MYOZ2: variants seen among roughly 807,000 people sequenced by gnomAD.
The protein encoded by MYOZ2 is myozenin-2.
In MYOZ2, 19 loss-of-function variants were observed where a neutral mutation model predicts 25.4. That is an observed-to-expected ratio of 0.75 (90% CI 0.52 to 1.10). MYOZ2 has a LOEUF of 1.10. Ranked by LOEUF, MYOZ2 falls within the 50% of genes least tolerant of loss-of-function variation. MYOZ2 has a pLI of 0.00. For synonymous variants in MYOZ2, 92 were observed against 106.9 expected, an observed-to-expected ratio of 0.86 and a Z score of 0.86; for missense variants, 270 against 317.9, an observed-to-expected ratio of 0.85 and a Z score of 1.15.
rs780300735 is a variant in MYOZ2, at chr4:119,164,333, T to TA, written c.500dup (p.Tyr167Ter). The TA allele has an allele frequency of 6.2e-7, 1 of 1,614,116 alleles. No individual in the cohort carries two copies. The highest frequency in any genetic ancestry group is 1.7e-5 in the Admixed American group (1 of 60,020). Residue 167 changes from tyrosine (Y) to a stop codon, truncating the protein, a stop_gained and frameshift_variant, in exon 5 of 6, where the codon TAT (tyrosine) becomes TAAT (stop). Coordinates refer to ENST00000307128, the MANE Select transcript of MYOZ2 (RefSeq NM_016599.5). LOFTEE classifies it high-confidence loss of function. ...TGATCCGGAGCTTTTAGAGGCTTTA[T>TA]ATCCTAAACTTTTCAAGCCTGAAGG... ...SNDPELLEALYPKLFKPEGKA... is the reference protein window; with the variant it reads ...SNDPELLEAL
At chr4:119,157,704 G>A (rs999645714) in intron 3 of MYOZ2, among the ~76,000 whole-genome samples, 1 of 152,128 alleles carries the variant, frequency 6.6e-6, no homozygotes, top group Non-Finnish European at 1.5e-5. Context: ...ATCTCATAGG[G>A]ATGGTCTGAA....
intron 5 of MYOZ2, 150 bp downstream of exon 5, chr4:119,164,544 C>A (rs1741781174): frequency 1.4e-6 from 1 of 706,198 alleles, no homozygotes; most frequent in Non-Finnish European, 2.3e-6. Flanking sequence ...TAAGCCTAGG[C>A]AAAGACTCAT....
chr4:119,144,929 C>T (rs953136652), intron 2 of MYOZ2, among the ~76,000 whole-genome samples: 7 of 152,172 alleles, frequency 4.6e-5, no homozygotes, highest in African/African-American at 1.7e-4. Flanking sequence ...TGTCTCAGAG[C>T]AAAAGTTTTT....
chr4:119,182,383 G>A (rs1159719916), intron 5 of MYOZ2, among the ~76,000 whole-genome samples: 1 of 152,098 alleles, frequency 6.6e-6, no homozygotes, highest in Non-Finnish European at 1.5e-5. Context: ...CCTCAACCTG[G>A]ATCATGGTAC....
Position 119,164,386 on chromosome 4 carries a change from C to T in MYOZ2, c.552C>T (p.Ser184=), listed in dbSNP as rs1157326839. 1.2e-6 allele frequency: 2 copies of T among 1,613,910 alleles called. No homozygotes were observed. Among genetic ancestry groups the T allele is most frequent in the Non-Finnish European group, 1.7e-6 (2 of 1,179,962 alleles). Reference sequence around the variant, plus strand: ...AGGCAGAACTGCCTGATTACAGGAGCTTTAACAGGTAATTCAATGGTCCTG... The same window carrying T: ...AGGCAGAACTGCCTGATTACAGGAGTTTTAACAGGTAATTCAATGGTCCTG... ...EGKAELPDYR[S]FNRVATPFGG... Residue 184 remains serine (S), a synonymous_variant, in exon 5 of 6, where the codon AGC becomes AGT. Coordinates refer to ENST00000307128, the MANE Select transcript of MYOZ2 (RefSeq NM_016599.5).
At chr4:119,177,004 T>G (rs1222209862) in intron 5 of MYOZ2, among the ~76,000 whole-genome samples, 2 of 152,182 alleles carry the variant, frequency 1.3e-5, no homozygotes, top group Admixed American at 6.5e-5. Context: ...GAGGTTGCAG[T>G]GAGCCGAGAT....
chr4:119,172,226 C>T (rs1009075097), intron 5 of MYOZ2, among the ~76,000 whole-genome samples: 17 of 152,314 alleles, frequency 1.1e-4, no homozygotes, highest in African/African-American at 3.9e-4. Context: ...TCTCCTTGCC[C>T]CCTGCCTAGA....
In MYOZ2 at chr4:119,171,129, C is replaced by T. The variant is rs1245833455; in HGVS notation, c.560+6735C>T. 2.0e-5 allele frequency among the ~76,000 whole-genome samples: 3 copies of T among 151,986 alleles called. No individual in the cohort carries two copies. The East Asian group carries it at 5.8e-4, about 29-fold the overall frequency. On this transcript the variant is annotated intron_variant, in intron 5 of 5. Coordinates refer to ENST00000307128, the MANE Select transcript of MYOZ2 (RefSeq NM_016599.5). ...TTCAGAGAAAGATGCTGTTTGTTTACCCCTGCCAAACAATAATACAAGAGT... is the reference window on the plus strand; with the variant it reads ...TTCAGAGAAAGATGCTGTTTGTTTATCCCTGCCAAACAATAATACAAGAGT...
intron 5 of MYOZ2, among the ~76,000 whole-genome samples, chr4:119,183,896 C>A (rs1742242084): frequency 6.7e-6 from 1 of 150,146 alleles, no homozygotes; most frequent in African/African-American, 2.4e-5. Context: ...CTCACTGAAA[C>A]CTCCACCTCC....
At chr4:119,177,062 A>G (rs1578370134) in intron 5 of MYOZ2, among the ~76,000 whole-genome samples, 1 of 68,276 alleles carries the variant, frequency 1.5e-5, no homozygotes, top group Non-Finnish European at 4.8e-5. Context: ...ACTCTGTCTC[A>G]AAAAAAACAA....
chr4:119,160,639 T>C (rs1453795569), intron 4 of MYOZ2, among the ~76,000 whole-genome samples: 1 of 152,096 alleles, frequency 6.6e-6, no homozygotes, highest in Admixed American at 6.5e-5. Context: ...AGAGAGACTT[T>C]GTGGGGGGAA....
intron 4 of MYOZ2, among the ~76,000 whole-genome samples, chr4:119,162,285 C>T (rs1011500877): frequency 6.6e-6 from 1 of 152,020 alleles, no homozygotes; most frequent in African/African-American, 2.4e-5. Context: ...AGAAAGCAGG[C>T]GGTGAGGCTG....
At chr4:119,165,375 G>A (rs186464403) in intron 5 of MYOZ2, among the ~76,000 whole-genome samples, 3 of 151,774 alleles carry the variant, frequency 2.0e-5, no homozygotes, top group East Asian at 3.9e-4. Flanking sequence ...GCCAAGAGTG[G>A]TGGCATGTAC....
chr4:119,183,670 A>T (rs1297323857), intron 5 of MYOZ2, among the ~76,000 whole-genome samples: 2 of 152,122 alleles, frequency 1.3e-5, no homozygotes, highest in Admixed American at 6.6e-5. Flanking sequence ...TTTTAATCCA[A>T]TTTATCAGCA....
At chr4:119,182,040 G>T (rs773717533) in intron 5 of MYOZ2, among the ~76,000 whole-genome samples, 2 of 151,810 alleles carry the variant, frequency 1.3e-5, no homozygotes, top group African/African-American at 2.4e-5. Context: ...ACCTAATACA[G>T]TATTCAGAAG....
chr4:119,138,459 G>A (rs1221037752), intron 2 of MYOZ2, among the ~76,000 whole-genome samples: 1 of 152,090 alleles, frequency 6.6e-6, no homozygotes, highest in East Asian at 1.9e-4. Flanking sequence ...CTGGAGCTAG[G>A]GGAGTATAAT....
chr4:119,164,507 A>G, intron 5 of MYOZ2, 113 bp downstream of exon 5: 1 of 1,017,680 alleles, frequency 9.8e-7, no homozygotes, highest in Non-Finnish European at 1.5e-6. Context: ...TGAGAAAAGA[A>G]TCTAAATAGC....
intron 5 of MYOZ2, among the ~76,000 whole-genome samples, chr4:119,176,304 T>C (rs1417214425): frequency 1.3e-5 from 2 of 151,556 alleles, no homozygotes; most frequent in African/African-American, 4.9e-5. Flanking sequence ...CACTGCAACC[T>C]CCACCTCCCC....
chr4:119,154,329 GAA>G (rs1450356690), intron 3 of MYOZ2, among the ~76,000 whole-genome samples: 2 of 152,148 alleles, frequency 1.3e-5, no homozygotes, highest in Non-Finnish European at 2.9e-5. Flanking sequence ...ACTGAGGTAA[GAA>G]GAGACATATC....
Sources: gnomAD v4.1 joint callset for allele counts (sites outside exome capture counted in the v4.1 genomes callset) on GRCh38, gnomAD v4.1.1 for gene constraint, MANE v1.5 for transcripts, NCBI Gene and HGNC (gene_info 2026-07-23, HGNC 2026-07-21) for gene names.